The following FAM135B variants were observed in gnomAD, a reference collection of about 807,000 sequenced individuals.
FAM135B encodes protein FAM135B.
Under a neutral mutation model 127.7 loss-of-function variants are expected in FAM135B, and 43 were observed. The ratio of observed to expected loss-of-function variants is 0.34; its 90% CI spans 0.26 to 0.43. The LOEUF (loss-of-function observed/expected upper bound fraction) is 0.43, where lower values mean the gene tolerates loss of function less well. Ranked by LOEUF, FAM135B falls within the 20% of genes least tolerant of loss-of-function variation. The pLI is 1.00. For missense variants in FAM135B, 1,558 were observed against 1,725.6 expected (o/e 0.90, Z 1.72); for synonymous variants, 670 against 665.1 (o/e 1.01, Z -0.11).
chr8:138,290,819 G>A (rs778064124), intron 3 of FAM135B, among the ~76,000 whole-genome samples: 51 of 152,288 alleles, frequency 3.3e-4, no homozygotes, highest in Non-Finnish European at 3.5e-4. Context: ...CGCATGAGAT[G>A]AGGAGACTGC....
At position 138,348,127 on chromosome 8, in the gene FAM135B, C is replaced by CTTTTTTT. The variant is rs58289442; in HGVS notation, c.77+19773_77+19779dup. Among the ~76,000 whole-genome samples the CTTTTTTT allele has an allele frequency of 5.1e-4, 27 of 52,838 alleles. 2 individuals are homozygous for CTTTTTTT. Among genetic ancestry groups the CTTTTTTT allele is most frequent in the African/African-American group, 5.8e-4 (7 of 12,074 alleles). 34.7% of individuals were successfully genotyped at this position (52,838 alleles called of 152,430 possible). A position where few individuals can be genotyped will look rare whatever the true frequency, so the allele number is the denominator to read the frequency against. Reference sequence around the variant, plus strand: ...CAGATTAGTTCTTCTTTTTCCTCCTCTTTTTTTTTTTTTTTTTTTTTTTTG... The same window carrying CTTTTTTT: ...CAGATTAGTTCTTCTTTTTCCTCCTCTTTTTTTTTTTTTTTTTTTTTTTTTTTTTTTG... On this transcript the variant is annotated intron_variant, in intron 2 of 19. Transcript: ENST00000395297.
intron 1 of FAM135B, among the ~76,000 whole-genome samples, chr8:138,385,531 C>A (rs1832144911): frequency 6.6e-6 from 1 of 152,156 alleles, no homozygotes; most frequent in Non-Finnish European, 1.5e-5. Flanking sequence ...GCAAAAGGGG[C>A]CTGGCGAGGT....
chr8:138,357,811 C>T (rs933642430), intron 2 of FAM135B, among the ~76,000 whole-genome samples: 12 of 152,078 alleles, frequency 7.9e-5, no homozygotes, highest in African/African-American at 2.9e-4. Context: ...GTCCCTACAG[C>T]TATCATTTCT....
intron 6 of FAM135B, among the ~76,000 whole-genome samples, chr8:138,249,314 T>A (rs1378781494): frequency 2.6e-5 from 4 of 152,184 alleles, no homozygotes; most frequent in Non-Finnish European, 4.4e-5. Flanking sequence ...AGGTCTGCTG[T>A]CCTTTGTTTC....
chr8:138,291,144 A>G (rs1199598667), intron 3 of FAM135B, among the ~76,000 whole-genome samples: 1 of 152,228 alleles, frequency 6.6e-6, no homozygotes, highest in Non-Finnish European at 1.5e-5. Context: ...CTAGCTGACA[A>G]TAGCCTGAAT....
At position 138,140,236 on chromosome 8, in the gene FAM135B, T is replaced by A. The variant is rs561373005; in HGVS notation, c.3790+962A>T. 4.6e-5 allele frequency among the ~76,000 whole-genome samples: 7 copies of A among 152,218 alleles called. No individual in the cohort carries two copies. The South Asian group carries it at 1.5e-3, about 32-fold the overall frequency. ...TAAAATAACTTAAAAGCAAACTAACTAAACTGACCAGGCCATGAGGAAACA... is the reference window on the plus strand; with the variant it reads ...TAAAATAACTTAAAAGCAAACTAACAAAACTGACCAGGCCATGAGGAAACA... On this transcript the variant is annotated intron_variant, in intron 17 of 19. Coordinates refer to ENST00000395297, the MANE Select transcript of FAM135B (RefSeq NM_015912.4).
chr8:138,277,918 T>C (rs1010975371), intron 3 of FAM135B, among the ~76,000 whole-genome samples: 5 of 152,168 alleles, frequency 3.3e-5, no homozygotes, highest in African/African-American at 9.7e-5. Context: ...AAGATGCTCC[T>C]TGCTTTTGAA....
At chr8:138,376,775 TGTCA>T (rs1444927074) in intron 1 of FAM135B, among the ~76,000 whole-genome samples, 2 of 152,188 alleles carry the variant, frequency 1.3e-5, no homozygotes, top group African/African-American at 2.4e-5. Context: ...CCTACAAAAC[TGTCA>T]GTCACTCATC....
In FAM135B at chr8:138,152,779, C is replaced by T. The variant is rs771316523; in HGVS notation, c.1696G>A (p.Ala566Thr). The change falls in exon 13 of 20, where the codon GCT becomes ACT. Residue 566 changes from alanine to threonine, a missense_variant. Ala to Thr is a moderately conservative substitution (Grantham distance 58). Transcript: ENST00000395297. ...GCATTGAAGGCCACCAGGGGTTCAG[C>T]TCTGGAGGGGTTCTTATTGCTAGAT... is the stretch of plus-strand genomic sequence containing the variant. ...VKSSNKNPSR[A>T]EPLVAFNAQH... The T allele has an allele frequency of 3.1e-6, 5 of 1,614,194 alleles. No individual in the cohort carries two copies. In the South Asian group the frequency reaches 3.3e-5, roughly 11 times the overall value.
intron 10 of FAM135B, among the ~76,000 whole-genome samples, chr8:138,177,902 A>C (rs1454058658): frequency 2.0e-5 from 3 of 152,216 alleles, no homozygotes; most frequent in Non-Finnish European, 4.4e-5. Flanking sequence ...ACCCATATGT[A>C]CCTAAGCTGG....
At chr8:138,325,670 T>C (rs1479208178) in intron 2 of FAM135B, among the ~76,000 whole-genome samples, 2 of 152,160 alleles carry the variant, frequency 1.3e-5, no homozygotes, top group African/African-American at 2.4e-5. Context: ...CTTTTGTACA[T>C]AAACTTGGAA....
At chr8:138,196,342 A>G (rs2131123383) in intron 8 of FAM135B, among the ~76,000 whole-genome samples, 1 of 152,330 alleles carries the variant, frequency 6.6e-6, no homozygotes, top group Admixed American at 6.5e-5. Flanking sequence ...TGATTCAAAG[A>G]GTAGTGCCTG....
At chr8:138,275,317 C>T (rs1823732818) in intron 3 of FAM135B, among the ~76,000 whole-genome samples, 1 of 152,164 alleles carries the variant, frequency 6.6e-6, no homozygotes, top group Non-Finnish European at 1.5e-5. Context: ...AAAATGTTCT[C>T]TCAATATTGC....
At chr8:138,150,666 CAATAAATAAATA>C (rs71316324) in intron 13 of FAM135B, among the ~76,000 whole-genome samples, 4 of 44,776 alleles carry the variant, frequency 8.9e-5, no homozygotes, top group Non-Finnish European at 2.5e-4. Flanking sequence ...GACTCTGTCT[CAATAAATAAATA>C]AATAAATAAA....
At chr8:138,370,581 G>T (rs1831049507) in intron 1 of FAM135B, among the ~76,000 whole-genome samples, 2 of 152,016 alleles carry the variant, frequency 1.3e-5, no homozygotes, top group Non-Finnish European at 2.9e-5. Context: ...CTCCCGAGTA[G>T]CTGGGACTAC....
Position 138,290,692 on chromosome 8 carries a change from T to C in FAM135B, c.157+20149A>G, listed in dbSNP as rs79856768. 6.8e-3 allele frequency among the ~76,000 whole-genome samples: 1,029 copies of C among 152,280 alleles called. 10 individuals are homozygous for C. Among genetic ancestry groups the C allele is most frequent in the East Asian group, 0.02 (106 of 5,174 alleles). On this transcript the variant is annotated intron_variant, in intron 3 of 19. Transcript: ENST00000395297. ...ATGGGAGCAGAACCTGCTCTGGATA[T>C]TTTGAGCAGAGAGAGACTTAGTGCA...
At chr8:138,265,388 CT>C (rs895746460) in intron 4 of FAM135B, among the ~76,000 whole-genome samples, 4 of 152,278 alleles carry the variant, frequency 2.6e-5, no homozygotes, top group African/African-American at 9.6e-5. Context: ...TCAAAACCAC[CT>C]GCTGCTTGAC....
intron 1 of FAM135B, among the ~76,000 whole-genome samples, chr8:138,394,559 A>G (rs1383920499): frequency 6.6e-6 from 1 of 152,166 alleles, no homozygotes; most frequent in Non-Finnish European, 1.5e-5. Flanking sequence ...AAACTCGAAG[A>G]GCGCTTTAGA....
chr8:138,177,464 T>A, intron 10 of FAM135B, 44 bp from the exon 11 acceptor site: 1 of 1,504,150 alleles, frequency 6.6e-7, no homozygotes. Context: ...TTTAGGTAGG[T>A]ATTACCTGCA....
Sources: gnomAD v4.1 joint callset for allele counts (sites outside exome capture counted in the v4.1 genomes callset) on GRCh38, gnomAD v4.1.1 for gene constraint, MANE v1.5 for transcripts, NCBI Gene and HGNC (gene_info 2026-07-23, HGNC 2026-07-21) for gene names.